Variants in SHANK2 observed in about 807,000 individuals in gnomAD.
The protein encoded by SHANK2 is SH3 and multiple ankyrin repeat domains 2, also known as SH3 and multiple ankyrin repeat domains protein 2.
SHANK2 carries 43 observed loss-of-function variants against 133.7 expected under a neutral mutation model. The ratio of observed to expected loss-of-function variants is 0.32; its 90% confidence interval spans 0.25 to 0.41. The LOEUF is 0.41. Among genes scored for constraint, SHANK2 ranks in the 10% least tolerant of loss-of-function variants. The probability of loss-of-function intolerance (pLI) is 1.00; values close to 1 mark genes in which losing one functional copy is unlikely to be tolerated. For missense variants in SHANK2, 1,994 were observed against 2,235.8 expected (o/e 0.89, Z 2.18); for synonymous variants, 1,017 against 952.8 (o/e 1.07, Z -1.24).
At chr11:71,242,658 C>T (rs960120561) in intron 1 of SHANK2, among the ~76,000 whole-genome samples, 6 of 152,160 alleles carry the variant, frequency 3.9e-5, no homozygotes, top group African/African-American at 9.7e-5. Flanking sequence ...GCTCCCCTGG[C>T]GAGGATGTCG....
chr11:70,698,575 G>A (rs1555022841), intron 15 of SHANK2, 113 bp downstream of exon 15: 2 of 704,766 alleles, frequency 2.8e-6, no homozygotes, highest in Non-Finnish European at 5.3e-6. Context: ...AACAGGCACA[G>A]GGAGGCAGAC....
chr11:70,931,882 A>G (rs1378614429), intron 10 of SHANK2, among the ~76,000 whole-genome samples: 1 of 152,246 alleles, frequency 6.6e-6, no homozygotes, highest in African/African-American at 2.4e-5. Flanking sequence ...AATGTTTTTT[A>G]TAAAGAAAGA....
intron 8 of SHANK2, among the ~76,000 whole-genome samples, chr11:71,077,952 T>C (rs879214344): frequency 0.17 from 25,314 of 151,976 alleles, 2,249 homozygotes; most frequent in Non-Finnish European, 0.21. Flanking sequence ...AAAATGTGGA[T>C]GCCTGTGTGT....
At chr11:70,833,294 A>C (rs1948753763) in intron 11 of SHANK2, among the ~76,000 whole-genome samples, 1 of 152,234 alleles carries the variant, frequency 6.6e-6, no homozygotes, top group Non-Finnish European at 1.5e-5. Flanking sequence ...GGCTGGCCGC[A>C]GTTCCCAGGC....
intron 17 of SHANK2, among the ~76,000 whole-genome samples, chr11:70,533,317 C>T (rs536938031): frequency 6.6e-5 from 10 of 152,236 alleles, no homozygotes; most frequent in South Asian, 4.1e-4. Flanking sequence ...CTCAAACTCC[C>T]GGGCTAAACC....
intron 8 of SHANK2, among the ~76,000 whole-genome samples, chr11:71,076,404 G>C (rs1241366914): frequency 6.6e-6 from 1 of 151,544 alleles, no homozygotes; most frequent in Non-Finnish European, 1.5e-5. Flanking sequence ...CAGGGTCCAC[G>C]AGAAAGAGCT....
rs2059031316 is a variant in SHANK2, at chr11:70,500,336, C to T, written c.2308+234G>A. Reference sequence around the variant, plus strand: ...AGCTTCACGGTCATGACGATGTGAACACAGGTCAGGGAAGAAACACAGGAC... The same window carrying T: ...AGCTTCACGGTCATGACGATGTGAATACAGGTCAGGGAAGAAACACAGGAC... On this transcript the variant is annotated intron_variant, in intron 21 of 25. Coordinates refer to ENST00000601538, the MANE Select transcript of SHANK2 (RefSeq NM_012309.5). This position sits in a 1 kb window ranked among gnomAD's most constrained non-coding sequence, Gnocchi z 4.5. 6.6e-6 allele frequency among the ~76,000 whole-genome samples: 1 copy of T among 152,038 alleles called. No individual in the cohort carries two copies. The highest frequency in any genetic ancestry group is 2.1e-4 in the South Asian group (1 of 4,818).
intron 10 of SHANK2, among the ~76,000 whole-genome samples, chr11:70,941,710 G>A (rs987302270): frequency 2.6e-5 from 4 of 152,156 alleles, no homozygotes; most frequent in African/African-American, 9.7e-5. Context: ...GCCCCCATGA[G>A]AAATGGAATC....
intron 2 of SHANK2, among the ~76,000 whole-genome samples, chr11:71,178,801 C>T (rs7931474): frequency 0.21 from 31,058 of 151,026 alleles, 3,336 homozygotes; most frequent in South Asian, 0.28. Context: ...CTGGCCAACA[C>T]GGTGAAACAC....
chr11:70,698,773 G>C lies in SHANK2; in HGVS notation c.1778-10C>G. The C allele has an allele frequency of 1.4e-6, 1 of 718,640 alleles. No individual in the cohort carries two copies. The allele number at this position is 718,640 out of a possible 1,614,324, so 44.5% of individuals were successfully genotyped here. ...CGGTCAGCGCGGGTTTCTGTACAGA[G>C]AGGGAAGAGAAACACCATTCAGAAA... On this transcript the variant is annotated splice_polypyrimidine_tract_variant and intron_variant, in intron 14 of 25. Coordinates refer to ENST00000601538, the MANE Select transcript of SHANK2 (RefSeq NM_012309.5).
chr11:71,132,236 C>T (rs1436276881), intron 3 of SHANK2, among the ~76,000 whole-genome samples: 4 of 152,136 alleles, frequency 2.6e-5, no homozygotes, highest in African/African-American at 9.7e-5. Context: ...CGCCCAGGTC[C>T]AACCTCAGAG....
intron 2 of SHANK2, among the ~76,000 whole-genome samples, chr11:71,209,438 G>A (rs1954204324): frequency 1.3e-5 from 2 of 152,204 alleles, no homozygotes; most frequent in Non-Finnish European, 2.9e-5. Context: ...AGCAGGTGTG[G>A]AGGGGGTCAG....
At chr11:71,056,580 C>T (rs891020171) in intron 9 of SHANK2, 22 bp from the exon 10 acceptor site, 1 of 152,138 alleles carries the variant, frequency 6.6e-6, no homozygotes, top group Admixed American at 6.5e-5. Flanking sequence ...AAAGGAGAAA[C>T]CTGTTTGTAA....
chr11:70,749,788 G>A (rs1555037093), intron 14 of SHANK2, among the ~76,000 whole-genome samples: 1 of 151,650 alleles, frequency 6.6e-6, no homozygotes, highest in Admixed American at 6.6e-5. Context: ...ACAAATCAAT[G>A]ACATTTGTCT....
At chr11:71,086,019 ATAT>A (rs1329330914) in intron 8 of SHANK2, among the ~76,000 whole-genome samples, 10 of 85,530 alleles carry the variant, frequency 1.2e-4, no homozygotes, top group African/African-American at 5.0e-4. Context: ...TATATATAAC[ATAT>A]TATATGTTAT....
At chr11:70,664,518 G>A (rs1944643036) in intron 15 of SHANK2, among the ~76,000 whole-genome samples, 1 of 152,172 alleles carries the variant, frequency 6.6e-6, no homozygotes. Flanking sequence ...TGGAGCTCAG[G>A]GCCCTGCACT....
At chr11:71,148,807 AG>A (rs1952705148) in intron 2 of SHANK2, among the ~76,000 whole-genome samples, 2 of 152,232 alleles carry the variant, frequency 1.3e-5, no homozygotes, top group African/African-American at 4.8e-5. Flanking sequence ...AATTCACGGA[AG>A]GATTCAAACC....
intron 15 of SHANK2, among the ~76,000 whole-genome samples, chr11:70,662,688 A>AT (rs112708188): frequency 0.038 from 5,500 of 145,478 alleles, 287 homozygotes; most frequent in African/African-American, 0.12. Context: ...TAGCCATGGC[A>AT]TTTTTTTTTT....
At chr11:70,476,067 A>T (rs933398434) in intron 25 of SHANK2, among the ~76,000 whole-genome samples, 26 of 145,132 alleles carry the variant, frequency 1.8e-4, no homozygotes, top group Admixed American at 1.4e-3. Flanking sequence ...ACTAAAAATT[A>T]AAAAAAAAAA....
Sources: allele counts gnomAD v4.1 joint callset (sites outside exome capture counted in the v4.1 genomes callset), GRCh38; gene constraint gnomAD v4.1.1; non-coding constraint Gnocchi (gnomAD v3.1); transcripts MANE v1.5; gene names NCBI Gene and HGNC (gene_info 2026-07-23, HGNC 2026-07-21).